TMEM170B: variants seen among roughly 807,000 people sequenced by gnomAD.
TMEM170B encodes transmembrane protein 170B.
A neutral mutation model predicts 13.0 loss-of-function variants in TMEM170B; 6 were observed. The observed-to-expected ratio is 0.46, with a 90% CI of 0.25 to 0.91. The LOEUF (loss-of-function observed/expected upper bound fraction) is 0.91. Among genes scored for constraint, TMEM170B ranks in the 40% least tolerant of loss-of-function variants. TMEM170B has a pLI of 0.17. For missense variants in TMEM170B, 138 were observed against 165.2 expected (o/e 0.84, Z 0.90); for synonymous variants, 61 against 64.9 (o/e 0.94, Z 0.29).
intron 1 of TMEM170B, 116 bp downstream of exon 1, chr6:11,538,490 A>T: frequency 2.6e-6 from 2 of 767,608 alleles, no homozygotes; most frequent in Non-Finnish European, 3.9e-6. Flanking sequence ...CCCCGCTCGG[A>T]GCTCCAGGTC....
intron 1 of TMEM170B, among the ~76,000 whole-genome samples, chr6:11,555,097 T>C (rs1342767952): frequency 6.6e-6 from 1 of 152,166 alleles, no homozygotes; most frequent in African/African-American, 2.4e-5. Flanking sequence ...AGCTTTTTTC[T>C]TTCTGACAAA....
chr6:11,570,225 T>C (rs1759782750), intron 2 of TMEM170B, among the ~76,000 whole-genome samples: 1 of 152,184 alleles, frequency 6.6e-6, no homozygotes, highest in Non-Finnish European at 1.5e-5. Flanking sequence ...GTTTGTATAC[T>C]TTTTATGAAG....
At chr6:11,555,588 A>G (rs944016781) in intron 1 of TMEM170B, among the ~76,000 whole-genome samples, 1 of 152,166 alleles carries the variant, frequency 6.6e-6, no homozygotes, top group African/African-American at 2.4e-5. Context: ...AAATTGTGCC[A>G]TATCTTTTTT....
At chr6:11,543,781 GA>G (rs1264878630) in intron 1 of TMEM170B, among the ~76,000 whole-genome samples, 1 of 152,148 alleles carries the variant, frequency 6.6e-6, no homozygotes, top group African/African-American at 2.4e-5. Context: ...AAATGAAAGG[GA>G]AATATGCTGT....
At position 11,575,326 on chromosome 6, in the gene TMEM170B, A is replaced by G. The variant is rs1426963528; in HGVS notation, c.269-105A>G. 2 of 1,416,092 alleles carry G rather than the reference A, an allele frequency of 1.4e-6. No homozygotes were observed. The highest frequency in any genetic ancestry group is 2.2e-5 in the Admixed American group (1 of 44,740). 87.7% of individuals were successfully genotyped at this position (1,416,092 alleles called of 1,614,324 possible). On this transcript the variant is annotated intron_variant, in intron 2 of 2. Coordinates refer to ENST00000379426, the MANE Select transcript of TMEM170B (RefSeq NM_001100829.3). This position sits in a 1 kb window ranked among gnomAD's most constrained non-coding sequence, Gnocchi z 4.1. ...AAGTGGATAAAATGAGAAAAAAATG[A>G]TGACTTATGTTTTGATGAAATGAAA...
Position 11,556,910 on chromosome 6 carries a change from C to T in TMEM170B, c.98-8756C>T, listed in dbSNP as rs575393073. On this transcript the variant is annotated intron_variant, in intron 1 of 2. Transcript: ENST00000379426. The stretch of plus-strand genomic sequence containing the variant: ...CTGTGTTTCCCTAGCAGTCACCTCC[C>T]GCAGGCCTATACCACCAGTGGTGGC... Among the ~76,000 whole-genome samples the T allele has an allele frequency of 7.6e-4, 115 of 152,228 alleles. 1 individual carries two copies. Among genetic ancestry groups the T allele is most frequent in the Middle Eastern group, 3.4e-3 (1 of 294 alleles).
rs1759724615 is a variant in TMEM170B at position 11,565,778 on chromosome 6, C to G, written c.210C>G (p.Ile70Met). Residue 70 changes from isoleucine to methionine, a missense_variant, in exon 2 of 3, where the codon ATC (isoleucine) becomes ATG (methionine). Ile to Met is a conservative substitution (Grantham distance 10, BLOSUM62 1). Coordinates refer to ENST00000379426, the MANE Select transcript of TMEM170B (RefSeq NM_001100829.3). ...MLQRHRQGRV[I>M]SVIAVSIGFL... ...AGAGGCATAGGCAGGGAAGAGTCAT[C>G]TCTGTCATTGCAGTCAGCATTGGAT... 1.2e-6 allele frequency: 2 copies of G among 1,614,148 alleles called. No individual in the cohort carries two copies. Among genetic ancestry groups the G allele is most frequent in the Non-Finnish European group, 1.7e-6 (2 of 1,180,016 alleles).
In TMEM170B at chr6:11,577,657, T is replaced by C. The variant is rs887372071; in HGVS notation, c.*2096T>C. ...AATCCAAAATTAACAAGAAAATAAC[T>C]TGGATACATTAAATGTACTAATGTG... On this transcript the variant is annotated 3_prime_UTR_variant, in exon 3 of 3. Transcript: ENST00000379426. 1 of 152,098 alleles carries C rather than the reference T, an allele frequency of 6.6e-6. No homozygotes were observed. The highest frequency in any genetic ancestry group is 1.5e-5 in the Non-Finnish European group (1 of 67,958). 9.4% of individuals were successfully genotyped at this position (152,098 alleles called of 1,614,324 possible). A position where few individuals can be genotyped will look rare whatever the true frequency, so the allele number is the denominator to read the frequency against.
At chr6:11,563,994 G>T (rs764321921) in intron 1 of TMEM170B, among the ~76,000 whole-genome samples, 2 of 152,100 alleles carry the variant, frequency 1.3e-5, no homozygotes, top group Non-Finnish European at 2.9e-5. Context: ...AAATCATATG[G>T]TATTCATTTG....
rs1020604343 is a variant in TMEM170B, at chr6:11,578,226, C to G, written c.*2665C>G. On this transcript the variant is annotated 3_prime_UTR_variant, in exon 3 of 3. Coordinates refer to ENST00000379426, the MANE Select transcript of TMEM170B (RefSeq NM_001100829.3). ...TCTTCACTTAATAGAGCTGGAGACCCTTGTTTGGGACATGACAAAAGTCCT... is the reference window on the plus strand; with the variant it reads ...TCTTCACTTAATAGAGCTGGAGACCGTTGTTTGGGACATGACAAAAGTCCT... 1 of 151,976 alleles carries G rather than the reference C, an allele frequency of 6.6e-6. No homozygotes were observed. Among genetic ancestry groups the G allele is most frequent in the African/African-American group, 2.4e-5 (1 of 41,390 alleles). The allele number at this position is 151,976 out of a possible 1,614,324, so 9.4% of individuals were successfully genotyped here. A position where few individuals can be genotyped will look rare whatever the true frequency, so the allele number is the denominator to read the frequency against.
chr6:11,556,357 T>G (rs953171234), intron 1 of TMEM170B, among the ~76,000 whole-genome samples: 2 of 152,182 alleles, frequency 1.3e-5, no homozygotes, highest in Non-Finnish European at 2.9e-5. Flanking sequence ...GCCTTGTGCT[T>G]AGGGTGGGAG....
chr6:11,571,596 A>G (rs1759802457), intron 2 of TMEM170B, among the ~76,000 whole-genome samples: 1 of 152,030 alleles, frequency 6.6e-6, no homozygotes, highest in Non-Finnish European at 1.5e-5. Flanking sequence ...CGCATGCGTT[A>G]TTTATTTCAA....
intron 2 of TMEM170B, among the ~76,000 whole-genome samples, chr6:11,571,316 G>C (rs770657926): frequency 6.6e-6 from 1 of 151,892 alleles, no homozygotes; most frequent in Non-Finnish European, 1.5e-5. Flanking sequence ...CTCCTGAGTC[G>C]CTAGGACCAC....
In TMEM170B at chr6:11,538,430, C is replaced by T. The variant is rs878864978; in HGVS notation, c.97+56C>T. ...ATGCGGTCCGCCCCTCTCCTGTCTT[C>T]TCCTTCCTCGGGAGGGGACACGCTC... On this transcript the variant is annotated intron_variant, in intron 1 of 2. Coordinates refer to ENST00000379426, the MANE Select transcript of TMEM170B (RefSeq NM_001100829.3). 4.5e-6 allele frequency: 6 copies of T among 1,327,542 alleles called. No homozygotes were observed. In the South Asian group the frequency reaches 8.4e-5, roughly 19 times the overall value. 82.2% of individuals were successfully genotyped at this position (1,327,542 alleles called of 1,614,324 possible). A position where few individuals can be genotyped will look rare whatever the true frequency, so the allele number is the denominator to read the frequency against.
intron 1 of TMEM170B, among the ~76,000 whole-genome samples, chr6:11,558,464 G>A (rs1365040720): frequency 1.3e-5 from 2 of 152,122 alleles, no homozygotes; most frequent in Admixed American, 6.5e-5. Context: ...CATAAGAAAC[G>A]TTTAAATTTG....
intron 1 of TMEM170B, among the ~76,000 whole-genome samples, chr6:11,540,131 T>C (rs1230061692): frequency 6.6e-6 from 1 of 152,240 alleles, no homozygotes; most frequent in Non-Finnish European, 1.5e-5. Context: ...TTTGTGTTGA[T>C]GACTGCTGAC....
intron 1 of TMEM170B, among the ~76,000 whole-genome samples, chr6:11,553,004 C>T (rs1389575208): frequency 2.6e-5 from 4 of 152,076 alleles, no homozygotes; most frequent in South Asian, 2.1e-4. Flanking sequence ...TTCGCCATGC[C>T]GCCTGGGCCC....
At chr6:11,538,864 T>C (rs1384026503) in intron 1 of TMEM170B, among the ~76,000 whole-genome samples, 2 of 152,248 alleles carry the variant, frequency 1.3e-5, no homozygotes, top group East Asian at 3.8e-4. Flanking sequence ...CGCTAATTTT[T>C]TGGGCGATGT....
In TMEM170B at chr6:11,538,458, C is replaced by A. The variant is rs796230887; in HGVS notation, c.97+84C>A. On this transcript the variant is annotated intron_variant, in intron 1 of 2. Coordinates refer to ENST00000379426, the MANE Select transcript of TMEM170B (RefSeq NM_001100829.3). The stretch of plus-strand genomic sequence containing the variant: ...CTTCCTCGGGAGGGGACACGCTCCT[C>A]GCCGCCCCACCCCCGTGCGCGCCCC... 1.7e-5 allele frequency: 18 copies of A among 1,035,650 alleles called. No individual in the cohort carries two copies. The African/African-American group carries it at 3.1e-4, about 18-fold the overall frequency. 64.2% of individuals were successfully genotyped at this position (1,035,650 alleles called of 1,614,324 possible).
Sources: gnomAD v4.1 joint callset for allele counts (sites outside exome capture counted in the v4.1 genomes callset) on GRCh38, gnomAD v4.1.1 for gene constraint, Gnocchi (gnomAD v3.1) non-coding constraint, MANE v1.5 for transcripts, NCBI Gene and HGNC (gene_info 2026-07-23, HGNC 2026-07-21) for gene names.